The following RNF150 variants were observed in gnomAD, a reference collection of about 807,000 sequenced individuals.
RNF150 encodes the protein ring finger protein 150.
Under a neutral mutation model 39.3 loss-of-function variants are expected in RNF150, and 24 were observed. That is an observed-to-expected ratio of 0.61 (90% CI 0.44 to 0.86). The LOEUF (loss-of-function observed/expected upper bound fraction) is 0.86, where lower values mean the gene tolerates loss of function less well. Among genes scored for constraint, RNF150 ranks in the 40% least tolerant of loss-of-function variants. The pLI is 0.00. For synonymous variants in RNF150, 255 were observed against 227.3 expected (o/e 1.12, Z -1.10); for missense variants, 502 against 587.8 (o/e 0.85, Z 1.51).
intron 6 of RNF150, among the ~76,000 whole-genome samples, chr4:140,887,345 A>G (rs565975548): frequency 3.2e-4 from 48 of 152,344 alleles, no homozygotes; most frequent in African/African-American, 1.1e-3. Context: ...ATAACGCACA[A>G]TGCTACGCAG....
intron 1 of RNF150, among the ~76,000 whole-genome samples, chr4:141,207,162 C>A (rs529024575): frequency 2.2e-4 from 34 of 152,248 alleles, no homozygotes; most frequent in African/African-American, 8.2e-4. Flanking sequence ...CAGACACACC[C>A]AGAAACAATA....
At chr4:141,112,601 G>C (rs1182023983) in intron 1 of RNF150, among the ~76,000 whole-genome samples, 2 of 152,178 alleles carry the variant, frequency 1.3e-5, no homozygotes, top group Non-Finnish European at 2.9e-5. Context: ...GCTGGTGTTT[G>C]TCTGATGGGC....
At chr4:141,129,262 C>G (rs557474547) in intron 1 of RNF150, among the ~76,000 whole-genome samples, 2 of 152,104 alleles carry the variant, frequency 1.3e-5, no homozygotes, top group African/African-American at 4.8e-5. Flanking sequence ...ATCCATACAA[C>G]GAAATATTAT....
chr4:141,164,346 A>T (rs1393796534), intron 1 of RNF150, among the ~76,000 whole-genome samples: 5 of 152,164 alleles, frequency 3.3e-5, no homozygotes, highest in Admixed American at 2.6e-4. Context: ...ATGGAAAGTG[A>T]CAGTCAGAAT....
chr4:140,973,407 T>C (rs559495007), intron 1 of RNF150, among the ~76,000 whole-genome samples: 38 of 152,276 alleles, frequency 2.5e-4, no homozygotes, highest in African/African-American at 8.9e-4. Context: ...ATTTTATCTT[T>C]AATTCTGAAA....
chr4:140,973,385 CTGAGG>C (rs1190522716), intron 1 of RNF150, among the ~76,000 whole-genome samples: 4 of 152,076 alleles, frequency 2.6e-5, no homozygotes, highest in Admixed American at 6.6e-5. Flanking sequence ...CATTTTCAAT[CTGAGG>C]TATTTCATTT....
chr4:141,081,667 AAATAAT>A (rs1430720504), intron 1 of RNF150, among the ~76,000 whole-genome samples: 31 of 152,354 alleles, frequency 2.0e-4, no homozygotes, highest in African/African-American at 7.5e-4. Flanking sequence ...TAGAACAGAG[AAATAAT>A]AATTGAACTA....
At chr4:141,099,383 G>A (rs1279844075) in intron 1 of RNF150, among the ~76,000 whole-genome samples, 2 of 152,052 alleles carry the variant, frequency 1.3e-5, no homozygotes, top group Non-Finnish European at 2.9e-5. Flanking sequence ...AGATTGATCT[G>A]GATCAAAAGG....
chr4:141,000,028 A>C (rs1276473651), intron 1 of RNF150, among the ~76,000 whole-genome samples: 35 of 43,924 alleles, frequency 8.0e-4, no homozygotes, highest in Non-Finnish European at 1.6e-3. Flanking sequence ...AAGAAGAAGA[A>C]GAAGAAGAAG....
At chr4:140,943,801 T>C (rs1732180787) in intron 4 of RNF150, among the ~76,000 whole-genome samples, 1 of 152,156 alleles carries the variant, frequency 6.6e-6, no homozygotes, top group African/African-American at 2.4e-5. Flanking sequence ...TGCTTATTAC[T>C]AGACAGGGTT....
intron 4 of RNF150, among the ~76,000 whole-genome samples, chr4:140,934,953 G>A: frequency 6.9e-6 from 1 of 144,238 alleles, no homozygotes; most frequent in South Asian, 2.2e-4. Flanking sequence ...AAAGTGCTTT[G>A]TGAAGAGTAG....
intron 1 of RNF150, among the ~76,000 whole-genome samples, chr4:141,050,281 T>C (rs1736728435): frequency 1.3e-5 from 2 of 152,146 alleles, no homozygotes; most frequent in Admixed American, 1.3e-4. Flanking sequence ...CAATTCAAGA[T>C]GAGATTTGGG....
At chr4:141,091,919 T>G (rs1738597585) in intron 1 of RNF150, among the ~76,000 whole-genome samples, 2 of 152,024 alleles carry the variant, frequency 1.3e-5, no homozygotes, top group Middle Eastern at 3.4e-3. Flanking sequence ...ACATATATGG[T>G]GCCAAACAGA....
chr4:141,150,646 G>T (rs1727281495), intron 1 of RNF150, among the ~76,000 whole-genome samples: 1 of 152,180 alleles, frequency 6.6e-6, no homozygotes, highest in Admixed American at 6.5e-5. Flanking sequence ...AAGAGACACT[G>T]TCCCTCTAAT....
rs1232917151 is a variant in RNF150, at chr4:140,860,023, C to T, written c.*8238G>A. On this transcript the variant is annotated 3_prime_UTR_variant, in exon 7 of 7. Transcript: ENST00000515673. Reference sequence around the variant, plus strand: ...TCCAACTATCACCCTTGTTTCATCACTAGCCCATTATGAGACAAGTTGATT... The same window carrying T: ...TCCAACTATCACCCTTGTTTCATCATTAGCCCATTATGAGACAAGTTGATT... The T allele has an allele frequency of 2.0e-5, 3 of 152,064 alleles. No individual in the cohort carries two copies. Among genetic ancestry groups the T allele is most frequent in the Non-Finnish European group, 2.9e-5 (2 of 68,028 alleles). The allele number at this position is 152,064 out of a possible 1,614,324, so 9.4% of individuals were successfully genotyped here. A position where few individuals can be genotyped will look rare whatever the true frequency, so the allele number is the denominator to read the frequency against.
chr4:140,920,818 A>G (rs1358447817), intron 5 of RNF150, among the ~76,000 whole-genome samples: 1 of 151,360 alleles, frequency 6.6e-6, no homozygotes, highest in Non-Finnish European at 1.5e-5. Flanking sequence ...CTGGATTAAG[A>G]AAATGTGGCA....
chr4:140,988,354 T>G (rs1412742172), intron 1 of RNF150, among the ~76,000 whole-genome samples: 3 of 152,108 alleles, frequency 2.0e-5, no homozygotes, highest in Non-Finnish European at 4.4e-5. Flanking sequence ...TCAACCTAGG[T>G]GTCCATCAAC....
intron 4 of RNF150, among the ~76,000 whole-genome samples, chr4:140,939,291 C>T (rs1250502826): frequency 1.6e-4 from 24 of 152,136 alleles, no homozygotes; most frequent in Non-Finnish European, 2.9e-5. Flanking sequence ...TCTTTCAACA[C>T]TAAGGCTTTT....
intron 1 of RNF150, among the ~76,000 whole-genome samples, chr4:140,973,088 C>A (rs1024799178): frequency 6.6e-6 from 1 of 152,140 alleles, no homozygotes; most frequent in Non-Finnish European, 1.5e-5. Context: ...CAGGACTCTT[C>A]TCAGAAGTTA....
Sources: gnomAD v4.1 joint callset for allele counts (sites outside exome capture counted in the v4.1 genomes callset) on GRCh38, gnomAD v4.1.1 for gene constraint, MANE v1.5 for transcripts, NCBI Gene and HGNC (gene_info 2026-07-23, HGNC 2026-07-21) for gene names.